Variants in RAPGEF1 observed in about 807,000 individuals in gnomAD.
RAPGEF1 encodes the protein CRK SH3-binding GNRP.
A neutral mutation model predicts 143.3 loss-of-function variants in RAPGEF1; 33 were observed. The ratio of observed to expected loss-of-function variants is 0.23; its 90% confidence interval spans 0.17 to 0.31. The LOEUF (loss-of-function observed/expected upper bound fraction) is 0.31. Among genes scored for constraint, RAPGEF1 ranks in the 10% least tolerant of loss-of-function variants. The probability of loss-of-function intolerance (pLI) is 1.00; values close to 1 mark genes in which losing one functional copy is unlikely to be tolerated. For missense variants in RAPGEF1, 1,199 were observed against 1,645.4 expected, an observed-to-expected ratio of 0.73 and a Z score of 4.69; for synonymous variants, 629 against 676.5, an observed-to-expected ratio of 0.93 and a Z score of 1.09.
intron 1 of RAPGEF1, chr9:131,725,559 A>C (rs1487379857): frequency 6.6e-6 from 1 of 152,136 alleles, no homozygotes; most frequent in Non-Finnish European, 1.5e-5. Context: ...TGCGGGCTAA[A>C]GCAATCCTCC....
chr9:131,633,628 G>C (rs1965541112), intron 5 of RAPGEF1, among the ~76,000 whole-genome samples: 2 of 152,120 alleles, frequency 1.3e-5, no homozygotes, highest in Admixed American at 1.3e-4. Flanking sequence ...CACATGTGCA[G>C]ACATGTGCCC....
At chr9:131,640,468 A>G (rs573543305) in intron 4 of RAPGEF1, among the ~76,000 whole-genome samples, 83 of 152,368 alleles carry the variant, frequency 5.4e-4, no homozygotes, top group African/African-American at 1.9e-3. Context: ...GCTTGGAAGC[A>G]GAATATTCCT....
At chr9:131,717,543 A>C (rs1424084050) in intron 1 of RAPGEF1, among the ~76,000 whole-genome samples, 1 of 152,178 alleles carries the variant, frequency 6.6e-6, no homozygotes. Context: ...TGGGAGGCCA[A>C]GGCAGGCAGA....
At chr9:131,604,230 C>T (rs1956742907) in intron 13 of RAPGEF1, among the ~76,000 whole-genome samples, 177 bp from the exon 14 acceptor site, 1 of 152,210 alleles carries the variant, frequency 6.6e-6, no homozygotes, top group South Asian at 2.1e-4. Flanking sequence ...GCTGCTGCCC[C>T]TCCAATGGTG....
intron 12 of RAPGEF1, among the ~76,000 whole-genome samples, chr9:131,616,019 C>T (rs183474129): frequency 6.6e-6 from 1 of 152,172 alleles, no homozygotes; most frequent in South Asian, 2.1e-4. Flanking sequence ...GTAATCCCAG[C>T]ACTTTGGGAG....
At chr9:131,695,092 T>C (rs903989806) in intron 1 of RAPGEF1, among the ~76,000 whole-genome samples, 7 of 151,918 alleles carry the variant, frequency 4.6e-5, no homozygotes, top group Non-Finnish European at 1.0e-4. Context: ...ACTAGCAATA[T>C]AGGTTTCATG....
chr9:131,676,013 C>T (rs1273220605), intron 1 of RAPGEF1, among the ~76,000 whole-genome samples: 2 of 151,982 alleles, frequency 1.3e-5, no homozygotes, highest in South Asian at 2.1e-4. Context: ...GTGATCCTTC[C>T]ACCTTGGCCT....
chr9:131,666,264 C>T (rs1564658015), intron 1 of RAPGEF1, among the ~76,000 whole-genome samples: 1 of 152,216 alleles, frequency 6.6e-6, no homozygotes, highest in Admixed American at 6.5e-5. Context: ...GTTCAAGCTA[C>T]CTCCAGGGAA....
At chr9:131,647,909 T>C (rs1190918104) in intron 3 of RAPGEF1, among the ~76,000 whole-genome samples, 3 of 152,184 alleles carry the variant, frequency 2.0e-5, no homozygotes, top group Non-Finnish European at 4.4e-5. Context: ...TATTGTAGGA[T>C]GTTTAGCAGC....
chr9:131,624,897 G>A (rs971026497), intron 10 of RAPGEF1, among the ~76,000 whole-genome samples: 7 of 152,234 alleles, frequency 4.6e-5, no homozygotes, highest in Non-Finnish European at 2.9e-5. Flanking sequence ...AACACCCACT[G>A]AGGAGCTGGG....
chr9:131,601,314 C>T (rs1956242423), intron 15 of RAPGEF1, among the ~76,000 whole-genome samples: 1 of 151,868 alleles, frequency 6.6e-6, no homozygotes, highest in Admixed American at 6.6e-5. Flanking sequence ...ACACATATGT[C>T]TAGAAATGTC....
intron 10 of RAPGEF1, among the ~76,000 whole-genome samples, chr9:131,625,228 C>T (rs150493564): frequency 2.4e-4 from 37 of 152,188 alleles, no homozygotes; most frequent in African/African-American, 5.8e-4. Context: ...AGGGAGAGGG[C>T]GGGGACAGAG....
intron 1 of RAPGEF1, among the ~76,000 whole-genome samples, chr9:131,674,676 G>A (rs561703872): frequency 1.5e-3 from 234 of 152,324 alleles, no homozygotes; most frequent in African/African-American, 5.4e-3. Flanking sequence ...CCGCCTCCCT[G>A]ACACAGCCCA....
chr9:131,704,673 T>C (rs73561761), intron 1 of RAPGEF1, among the ~76,000 whole-genome samples: 2,700 of 152,136 alleles, frequency 0.018, 76 homozygotes, highest in African/African-American at 0.061. Flanking sequence ...GAAACTTCTG[T>C]CAGTGCTGTA....
At chr9:131,695,391 C>T (rs1169627336) in intron 1 of RAPGEF1, among the ~76,000 whole-genome samples, 1 of 152,200 alleles carries the variant, frequency 6.6e-6, no homozygotes, top group Non-Finnish European at 1.5e-5. Flanking sequence ...GGTAGCTACC[C>T]ATGGATGAGC....
At chr9:131,669,398 G>A (rs1307162015) in intron 1 of RAPGEF1, among the ~76,000 whole-genome samples, 1 of 152,148 alleles carries the variant, frequency 6.6e-6, no homozygotes, top group East Asian at 1.9e-4. Flanking sequence ...GTCCTTCCCT[G>A]TCACCTTAGG....
In RAPGEF1 at chr9:131,584,692, C is replaced by A; in HGVS notation, c.3234-96G>T. 8.0e-7 allele frequency: 1 copy of A among 1,247,146 alleles called. No homozygotes were observed. Among genetic ancestry groups the A allele is most frequent in the South Asian group, 1.2e-5 (1 of 81,260 alleles). The allele number at this position is 1,247,146 out of a possible 1,614,324, so 77.3% of individuals were successfully genotyped here. On this transcript the variant is annotated intron_variant, in intron 22 of 26. Transcript: ENST00000683357. This position sits in a 1 kb window ranked among gnomAD's most constrained non-coding sequence, Gnocchi z 6.8. ...GACAGGACCTGTACGACCCCCATGC[C>A]AGTGGCCACGAGCCCACCCCTACTG...
intron 5 of RAPGEF1, among the ~76,000 whole-genome samples, chr9:131,633,858 T>G (rs577461791): frequency 6.6e-6 from 1 of 152,226 alleles, no homozygotes; most frequent in East Asian, 1.9e-4. Context: ...CCTAATCTCA[T>G]TGAAAGTTGA....
intron 3 of RAPGEF1, among the ~76,000 whole-genome samples, chr9:131,649,200 A>ATTTTT (rs55813422): frequency 8.0e-5 from 7 of 87,236 alleles, no homozygotes; most frequent in East Asian, 3.5e-4. Flanking sequence ...GCCTGGCTAA[A>ATTTTT]TTTTTTTTTT....
Sources: gnomAD v4.1 joint callset for allele counts (sites outside exome capture counted in the v4.1 genomes callset) on GRCh38, gnomAD v4.1.1 for gene constraint, Gnocchi (gnomAD v3.1) non-coding constraint, MANE v1.5 for transcripts, NCBI Gene and HGNC (gene_info 2026-07-23, HGNC 2026-07-21) for gene names.